The following TTI1 variants were observed in gnomAD, a reference collection of about 807,000 sequenced individuals.
The protein encoded by TTI1 is TELO2-interacting protein 1 homolog.
A neutral mutation model predicts 85.4 loss-of-function variants in TTI1; 52 were observed. That is an observed-to-expected ratio of 0.61 (90% CI 0.49 to 0.77). The LOEUF (loss-of-function observed/expected upper bound fraction) is 0.77, where lower values mean the gene tolerates loss of function less well. TTI1 is among the 30% of genes least tolerant of loss of function. The pLI is 0.00. For synonymous variants in TTI1, 512 were observed against 503.9 expected (o/e 1.02, Z -0.22); for missense variants, 1,173 against 1,296.0 (o/e 0.91, Z 1.46).
intron 1 of TTI1, among the ~76,000 whole-genome samples, chr20:38,031,296 A>T (rs2073902471): frequency 6.6e-6 from 1 of 152,234 alleles, no homozygotes; most frequent in African/African-American, 2.4e-5. Context: ...CATGTGATGC[A>T]GTCCCTTCGT....
intron 7 of TTI1, among the ~76,000 whole-genome samples, chr20:37,986,647 C>T (rs2073194071): frequency 6.6e-6 from 1 of 152,216 alleles, no homozygotes; most frequent in African/African-American, 2.4e-5. Context: ...ATGATCACAC[C>T]TGGCCCACTC....
rs368244285 is a variant in TTI1 at position 37,996,875 on chromosome 20, C to T, written c.2872G>A (p.Gly958Ser). 4.3e-6 allele frequency: 7 copies of T among 1,614,160 alleles called. No homozygotes were observed. The East Asian group carries it at 8.9e-5, about 21-fold the overall frequency. Residue 958 changes from glycine (G) to serine (S), a missense_variant, in exon 6 of 8, where the codon GGC (glycine) becomes AGC (serine). Physicochemically the swap from Gly to Ser is moderately conservative, Grantham distance 56. Coordinates refer to ENST00000373447, the MANE Select transcript of TTI1 (RefSeq NM_001303457.2). ...ATGGGGGCCTGGGTGACTAGGGAGC[C>T]AGCCAGCTTTGGCAGGACATCTTTG... ...FCKDVLPKLAGSLVTQAPISA... is the reference protein window; with the variant it reads ...FCKDVLPKLASSLVTQAPISA...
intron 1 of TTI1, among the ~76,000 whole-genome samples, chr20:38,030,561 A>G (rs1041288718): frequency 2.0e-4 from 31 of 151,438 alleles, no homozygotes; most frequent in African/African-American, 7.1e-4. Context: ...ACACACACAC[A>G]CCATGATAAA....
rs1223590332 is a variant in TTI1 at position 38,002,763 on chromosome 20, G to C, written c.2517C>G (p.Val839=). ...DFDNEEEEQS[V]PPKVDENDTR... ...TGTCATTCTCATCCACTTTGGGAGG[G>C]ACTGACTGTTCCTCTGGAAAAAGAG... is the stretch of plus-strand genomic sequence containing the variant. Residue 839 remains valine, a synonymous_variant, in exon 4 of 8, where the codon GTC becomes GTG. Transcript: ENST00000373447. 6.2e-7 allele frequency: 1 copy of C among 1,614,008 alleles called. No individual in the cohort carries two copies. The highest frequency in any genetic ancestry group is 8.5e-7 in the Non-Finnish European group (1 of 1,179,938).
At chr20:38,023,906 C>G (rs2073802254) in intron 1 of TTI1, among the ~76,000 whole-genome samples, 1 of 152,144 alleles carries the variant, frequency 6.6e-6, no homozygotes. Flanking sequence ...AAGTGTACTG[C>G]AGAACAGGAA....
In TTI1 at chr20:37,993,604, T is replaced by C. The variant is rs186975527; in HGVS notation, c.3086+2771A>G. ...CCAGAGGGGCCCACAGACATGGCTG[T>C]TCTACAGGGCTGGTGCACATCCCTC... On this transcript the variant is annotated intron_variant, in intron 7 of 7. Transcript: ENST00000373447. 8.0e-3 allele frequency among the ~76,000 whole-genome samples: 1,216 copies of C among 152,198 alleles called. 6 individuals carry two copies. The highest frequency in any genetic ancestry group is 0.023 in the African/African-American group (950 of 41,512).
intron 1 of TTI1, among the ~76,000 whole-genome samples, chr20:38,020,310 G>GAAAAAAAAAAAAA (rs772839935): frequency 2.1e-5 from 1 of 48,274 alleles, no homozygotes; most frequent in African/African-American, 1.1e-4. Context: ...CTACTCATAT[G>GAAAAAAAAAAAAA]AAAAAAAAAA....
chr20:38,007,737 GAGCAGC>G (rs1436324456), intron 2 of TTI1, among the ~76,000 whole-genome samples: 12 of 152,224 alleles, frequency 7.9e-5, no homozygotes, highest in Non-Finnish European at 1.5e-4. Flanking sequence ...CACAGAGCAA[GAGCAGC>G]AGCAGATGGG....
intron 4 of TTI1, chr20:38,000,321 C>A (rs2073404419): frequency 6.5e-6 from 1 of 154,800 alleles, no homozygotes; most frequent in Admixed American, 6.5e-5. Flanking sequence ...ACAGGTTAAT[C>A]TCACCAGAAA....
At chr20:38,017,435 T>TGTGTGTGTGC (rs879610985) in intron 1 of TTI1, among the ~76,000 whole-genome samples, 215 of 146,220 alleles carry the variant, frequency 1.5e-3, no homozygotes, top group South Asian at 2.4e-3. Flanking sequence ...TGTGTGTGTG[T>TGTGTGTGTGC]GCGCGCGCGC....
At chr20:38,013,984 G>A (rs576070637) in intron 1 of TTI1, 127 bp from the exon 2 acceptor site, 2 of 936,626 alleles carry the variant, frequency 2.1e-6, no homozygotes, top group Non-Finnish European at 3.1e-6. Flanking sequence ...GGCACTAGGG[G>A]TGCAATGAAA....
At chr20:37,983,743 C>T (rs559572574) in intron 7 of TTI1, 104 bp from the exon 8 acceptor site, 1 of 1,087,284 alleles carries the variant, frequency 9.2e-7, no homozygotes, top group African/African-American at 1.6e-5. Context: ...TGAGAAGAAA[C>T]TGATAACAAT....
chr20:38,009,475 C>T (rs1390512954), intron 2 of TTI1, among the ~76,000 whole-genome samples: 1 of 152,102 alleles, frequency 6.6e-6, no homozygotes, highest in African/African-American at 2.4e-5. Context: ...CATGCCCCTT[C>T]TTCCTTCTGG....
Position 38,021,389 on chromosome 20 carries a change from G to A in TTI1, c.-41-7532C>T, listed in dbSNP as rs958534. ...AATTGTTTAGAGATTTAGAGCCTTA[G>A]GAATCCTACATTCTATTCCTATAAA... is the stretch of plus-strand genomic sequence containing the variant. On this transcript the variant is annotated intron_variant, in intron 1 of 7. Transcript: ENST00000373447. Among the ~76,000 whole-genome samples the A allele has an allele frequency of 5.6e-3, 859 of 152,276 alleles. 7 individuals carry two copies. Among genetic ancestry groups the A allele is most frequent in the African/African-American group, 0.02 (828 of 41,544 alleles).
intron 5 of TTI1, 65 bp from the exon 6 acceptor site, chr20:37,997,018 C>G (rs1278980022): frequency 1.3e-6 from 2 of 1,538,036 alleles, no homozygotes; most frequent in African/African-American, 1.4e-5. Context: ...CTAAAGAATG[C>G]TTGGTAATTC....
chr20:38,018,726 G>A (rs1453033248), intron 1 of TTI1, among the ~76,000 whole-genome samples: 3 of 148,218 alleles, frequency 2.0e-5, no homozygotes, highest in South Asian at 4.2e-4. Context: ...CAAAAGAAAT[G>A]ACAAAATCCA....
intron 1 of TTI1, among the ~76,000 whole-genome samples, chr20:38,014,521 A>T (rs1294973853): frequency 6.6e-6 from 1 of 152,190 alleles, no homozygotes; most frequent in Non-Finnish European, 1.5e-5. Flanking sequence ...TTATGCACTG[A>T]AAAGATCCCC....
Position 38,025,218 on chromosome 20 carries a change from G to C in TTI1, c.-42+8186C>G, listed in dbSNP as rs867972940. Among the ~76,000 whole-genome samples, 3 of 152,082 alleles carry C rather than the reference G, an allele frequency of 2.0e-5. No homozygotes were observed. The East Asian group carries it at 5.8e-4, about 29-fold the overall frequency. On this transcript the variant is annotated intron_variant, in intron 1 of 7. Coordinates refer to ENST00000373447, the MANE Select transcript of TTI1 (RefSeq NM_001303457.2). ...CTCAGAACATTATACAGAAATGTCCGAATCTCAATATAAAAATCACTCATA... is the reference window on the plus strand; with the variant it reads ...CTCAGAACATTATACAGAAATGTCCCAATCTCAATATAAAAATCACTCATA...
At chr20:38,006,870 T>C (rs751751014) in intron 2 of TTI1, among the ~76,000 whole-genome samples, 1 of 152,258 alleles carries the variant, frequency 6.6e-6, no homozygotes, top group African/African-American at 2.4e-5. Context: ...TCAGACTCTA[T>C]GTTCCATTGG....
Sources: gnomAD v4.1 joint callset for allele counts (sites outside exome capture counted in the v4.1 genomes callset) on GRCh38, gnomAD v4.1.1 for gene constraint, MANE v1.5 for transcripts, NCBI Gene and HGNC (gene_info 2026-07-23, HGNC 2026-07-21) for gene names.